The following FAM107B variants were observed in gnomAD, a reference collection of about 807,000 sequenced individuals.
FAM107B encodes family with sequence similarity 107 member B.
In FAM107B, 21 loss-of-function variants were observed where a neutral mutation model predicts 31.5. That is an observed-to-expected ratio of 0.67 (90% CI 0.47 to 0.96). The LOEUF (loss-of-function observed/expected upper bound fraction) is 0.96. Among genes scored for constraint, FAM107B ranks in the 40% least tolerant of loss-of-function variants. The pLI is 0.00. For missense variants in FAM107B, 452 were observed against 377.1 expected (o/e 1.20, Z -1.64); for synonymous variants, 157 against 141.5 (o/e 1.11, Z -0.78).
At chr10:14,528,462 G>T (rs576246081) in intron 3 of FAM107B, among the ~76,000 whole-genome samples, 179 of 152,222 alleles carry the variant, frequency 1.2e-3, no homozygotes, top group African/African-American at 3.9e-3. Flanking sequence ...GATTACAGGC[G>T]TGATCCACGG....
At chr10:14,616,609 A>G (rs1455336955) in intron 2 of FAM107B, among the ~76,000 whole-genome samples, 1 of 152,228 alleles carries the variant, frequency 6.6e-6, no homozygotes, top group Non-Finnish European at 1.5e-5. Context: ...TAAGAACAGC[A>G]ATAATGAAAG....
At chr10:14,653,618 T>C (rs1474429140) in intron 2 of FAM107B, among the ~76,000 whole-genome samples, 1 of 136,642 alleles carries the variant, frequency 7.3e-6, no homozygotes, top group Non-Finnish European at 1.6e-5. Flanking sequence ...GCCACAGTCA[T>C]CCATGTGGTT....
chr10:14,518,686 G>A lies in FAM107B; in HGVS notation c.*2504C>T, dbSNP rs1845349543. 6.6e-6 allele frequency: 1 copy of A among 152,534 alleles called. No homozygotes were observed. Among genetic ancestry groups the A allele is most frequent in the South Asian group, 2.1e-4 (1 of 4,824 alleles). The allele number at this position is 152,534 out of a possible 1,614,324, so 9.4% of individuals were successfully genotyped here. ...GCAAATACAAAAAATATTAAATTAT[G>A]AAAACCAATCCATTAAGGCTCCCTT... On this transcript the variant is annotated 3_prime_UTR_variant, in exon 5 of 5. Coordinates refer to ENST00000181796, the MANE Select transcript of FAM107B (RefSeq NM_031453.4).
chr10:14,713,016 G>A (rs1855688534), intron 1 of FAM107B, among the ~76,000 whole-genome samples: 1 of 152,108 alleles, frequency 6.6e-6, no homozygotes, highest in Non-Finnish European at 1.5e-5. Context: ...AGCCTTCAGG[G>A]TGACCCTGCT....
At chr10:14,561,709 A>G (rs1230336576) in intron 2 of FAM107B, among the ~76,000 whole-genome samples, 1 of 152,228 alleles carries the variant, frequency 6.6e-6, no homozygotes, top group Non-Finnish European at 1.5e-5. Context: ...CTAATACATA[A>G]AAGAAAGAAA....
chr10:14,653,513 T>C (rs1853956012), intron 2 of FAM107B, among the ~76,000 whole-genome samples: 1 of 152,162 alleles, frequency 6.6e-6, no homozygotes, highest in South Asian at 2.1e-4. Flanking sequence ...GGAAGAGCTC[T>C]GGGAGAAAAG....
chr10:14,590,899 G>C (rs1436165378), intron 2 of FAM107B, among the ~76,000 whole-genome samples: 1 of 145,540 alleles, frequency 6.9e-6, no homozygotes, highest in African/African-American at 2.6e-5. Context: ...TGAGGCAGGA[G>C]AATCACATGA....
intron 1 of FAM107B, among the ~76,000 whole-genome samples, chr10:14,677,561 C>G (rs1588699951): frequency 6.6e-6 from 1 of 151,990 alleles, no homozygotes; most frequent in African/African-American, 2.4e-5. Context: ...GCGGAGCTTG[C>G]AGTGAGCAGA....
At chr10:14,772,120 C>T (rs946690977) in intron 1 of FAM107B, among the ~76,000 whole-genome samples, 20 of 152,030 alleles carry the variant, frequency 1.3e-4, no homozygotes, top group Admixed American at 1.2e-3. Flanking sequence ...CTTTGGGAGG[C>T]TGGGCGGGGG....
chr10:14,539,236 G>A (rs1847936059), intron 2 of FAM107B, among the ~76,000 whole-genome samples: 1 of 152,232 alleles, frequency 6.6e-6, no homozygotes, highest in Non-Finnish European at 1.5e-5. Context: ...TGCTGTGGAA[G>A]AAAGAAAATG....
At chr10:14,737,540 G>A (rs1428997705) in intron 1 of FAM107B, among the ~76,000 whole-genome samples, 2 of 152,012 alleles carry the variant, frequency 1.3e-5, no homozygotes, top group African/African-American at 4.8e-5. Context: ...CTTGAACCTG[G>A]GAGAAGGAGG....
intron 1 of FAM107B, among the ~76,000 whole-genome samples, chr10:14,741,477 C>A (rs972902463): frequency 2.0e-5 from 3 of 152,114 alleles, no homozygotes; most frequent in African/African-American, 7.2e-5. Context: ...TGAGGGAAAG[C>A]AGCACTGAGT....
intron 2 of FAM107B, among the ~76,000 whole-genome samples, chr10:14,599,365 C>CA (rs1469627332): frequency 1.3e-5 from 2 of 152,224 alleles, no homozygotes; most frequent in Non-Finnish European, 2.9e-5. Context: ...TCTTACACCC[C>CA]AGTCTCTCTG....
At chr10:14,673,858 A>G (rs546988693) in intron 1 of FAM107B, among the ~76,000 whole-genome samples, 10 of 152,080 alleles carry the variant, frequency 6.6e-5, no homozygotes, top group Admixed American at 2.6e-4. Flanking sequence ...CATTTTCCTG[A>G]TGATTAGTGA....
chr10:14,768,475 G>A (rs1049130722), intron 1 of FAM107B, among the ~76,000 whole-genome samples: 1 of 152,162 alleles, frequency 6.6e-6, no homozygotes, highest in Non-Finnish European at 1.5e-5. Flanking sequence ...TGAAATCTCA[G>A]AAACAAACCC....
At chr10:14,549,892 T>A (rs1849094736) in intron 2 of FAM107B, among the ~76,000 whole-genome samples, 1 of 152,158 alleles carries the variant, frequency 6.6e-6, no homozygotes. Flanking sequence ...GCATCCTACT[T>A]GGCAAACAAG....
At chr10:14,728,845 C>T (rs1175705061) in intron 1 of FAM107B, among the ~76,000 whole-genome samples, 1 of 152,148 alleles carries the variant, frequency 6.6e-6, no homozygotes, top group African/African-American at 2.4e-5. Context: ...TAATTTTTGA[C>T]AAGAGTAGGC....
chr10:14,761,127 A>G (rs1833038541), intron 1 of FAM107B, among the ~76,000 whole-genome samples: 1 of 152,138 alleles, frequency 6.6e-6, no homozygotes, highest in Non-Finnish European at 1.5e-5. Flanking sequence ...AATCTTTAAC[A>G]GGTTATTTCT....
At chr10:14,539,472 T>C (rs892290310) in intron 2 of FAM107B, among the ~76,000 whole-genome samples, 2 of 152,082 alleles carry the variant, frequency 1.3e-5, no homozygotes, top group South Asian at 2.1e-4. Context: ...AAATATATCA[T>C]GATCAAAGCC....
Sources: gnomAD v4.1 joint callset for allele counts (sites outside exome capture counted in the v4.1 genomes callset) on GRCh38, gnomAD v4.1.1 for gene constraint, MANE v1.5 for transcripts, NCBI Gene and HGNC (gene_info 2026-07-23, HGNC 2026-07-21) for gene names.